LY75: variants seen among roughly 807,000 people sequenced by gnomAD.
The protein encoded by LY75 is lymphocyte antigen 75.
A neutral mutation model predicts 231.7 loss-of-function variants in LY75; 185 were observed. The observed-to-expected ratio is 0.80, with a 90% confidence interval of 0.71 to 0.90. LY75 has a LOEUF of 0.90. Among genes scored for constraint, LY75 ranks in the 40% least tolerant of loss-of-function variants. LY75 has a pLI of 0.00. For missense variants in LY75, 1,947 were observed against 2,050.2 expected, an observed-to-expected ratio of 0.95 and a Z score of 0.97; for synonymous variants, 668 against 689.0, an observed-to-expected ratio of 0.97 and a Z score of 0.48.
intron 31 of LY75, chr2:159,812,164 G>C (rs1478883857): frequency 6.6e-6 from 1 of 151,750 alleles, no homozygotes; most frequent in African/African-American, 2.4e-5. Context: ...TCTTGCACTG[G>C]CAACATAAGG....
intron 25 of LY75, among the ~76,000 whole-genome samples, chr2:159,836,060 A>G (rs1219990665): frequency 6.6e-6 from 1 of 152,174 alleles, no homozygotes; most frequent in Non-Finnish European, 1.5e-5. Context: ...GAGGATCACT[A>G]TAAGTACTGA....
chr2:159,882,561 G>C (rs1327948818), intron 6 of LY75, among the ~76,000 whole-genome samples: 3 of 152,174 alleles, frequency 2.0e-5, no homozygotes, highest in African/African-American at 7.2e-5. Context: ...CTATATGGCT[G>C]AGCACAGACT....
At chr2:159,880,886 G>T (rs567693916) in intron 8 of LY75, among the ~76,000 whole-genome samples, 197 bp downstream of exon 8, 1 of 152,270 alleles carries the variant, frequency 6.6e-6, no homozygotes, top group South Asian at 2.1e-4. Flanking sequence ...AGGCAGTAAT[G>T]CTTGCTTACC....
chr2:159,865,629 T>C (rs1328466748), intron 13 of LY75, among the ~76,000 whole-genome samples: 2 of 152,156 alleles, frequency 1.3e-5, no homozygotes, highest in East Asian at 1.9e-4. Context: ...ATGAGTTATA[T>C]ACATTTTAGG....
intron 23 of LY75, among the ~76,000 whole-genome samples, chr2:159,849,377 T>C (rs571754028): frequency 6.6e-6 from 1 of 152,180 alleles, no homozygotes; most frequent in Non-Finnish European, 1.5e-5. Context: ...CCCTCTTCCC[T>C]TCTCTGACTT....
chr2:159,830,588 CTT>C (rs35004394), intron 28 of LY75, among the ~76,000 whole-genome samples: 17 of 129,024 alleles, frequency 1.3e-4, no homozygotes, highest in African/African-American at 3.8e-4. Flanking sequence ...TTTTTCTATT[CTT>C]TTTTTTTTTT....
intron 9 of LY75, 94 bp downstream of exon 9, chr2:159,879,165 T>C: frequency 1.4e-6 from 2 of 1,387,470 alleles, no homozygotes; most frequent in Non-Finnish European, 1.9e-6. Context: ...GTTTCCTCTA[T>C]TTTATAAGTC....
intron 16 of LY75, among the ~76,000 whole-genome samples, chr2:159,857,096 T>G (rs1179366520): frequency 1.3e-5 from 2 of 152,232 alleles, no homozygotes; most frequent in Non-Finnish European, 2.9e-5. Flanking sequence ...AAACTGGTTT[T>G]CCTTTGTCCC....
chr2:159,808,191 C>A lies in LY75; in HGVS notation c.4822+258G>T, dbSNP rs182866652. The A allele has an allele frequency of 5.1e-3, 4,585 of 893,902 alleles. 17 individuals carry two copies. The highest frequency in any genetic ancestry group is 7.7e-3 in the Admixed American group (124 of 16,160). The allele number at this position is 893,902 out of a possible 1,614,324, so 55.4% of individuals were successfully genotyped here. ...AATGTCCTGATGTTGATCCAAGGAT[C>A]CCAGAAATAAGCCTCTAGAAAGATT... On this transcript the variant is annotated intron_variant, in intron 33 of 34. Transcript: ENST00000263636.
Position 159,809,402 on chromosome 2 carries a change from T to C in LY75, c.4700-831A>G, listed in dbSNP as rs116149821. ...TATGGTGGTCAGAGGATGTGGCCAA[T>C]CCTATTGCAGAACGGATGGACAACC... On this transcript the variant is annotated intron_variant, in intron 32 of 34. Coordinates refer to ENST00000263636, the MANE Select transcript of LY75 (RefSeq NM_002349.4). Among the ~76,000 whole-genome samples the C allele has an allele frequency of 5.3e-3, 811 of 152,280 alleles. 3 individuals carry two copies. The highest frequency in any genetic ancestry group is 0.018 in the African/African-American group (766 of 41,554).
At chr2:159,871,928 G>C (rs1228633020) in intron 13 of LY75, 1 of 152,588 alleles carries the variant, frequency 6.6e-6, no homozygotes, top group Non-Finnish European at 1.5e-5. Context: ...TGCAAACAAG[G>C]ACATTCCAAT....
chr2:159,816,693 G>A (rs539737431), intron 30 of LY75, 113 bp downstream of exon 30: 31 of 1,429,224 alleles, frequency 2.2e-5, no homozygotes, highest in South Asian at 1.6e-4. Flanking sequence ...CTATGCAAGC[G>A]GAGTCCCAGT....
At chr2:159,815,362 T>G (rs370628297) in intron 31 of LY75, 43 bp downstream of exon 31, 102 of 1,543,398 alleles carry the variant, frequency 6.6e-5, no homozygotes, top group Non-Finnish European at 8.9e-5. Context: ...ATAAATTATG[T>G]CACATTTTCA....
rs72957547 is a variant in LY75 at position 159,875,682 on chromosome 2, G to T, written c.1775-39C>A. On this transcript the variant is annotated intron_variant, in intron 11 of 34. Coordinates refer to ENST00000263636, the MANE Select transcript of LY75 (RefSeq NM_002349.4). ...GGAAAGCTCAATTAAAAATTAAAAC[G>T]TTAAAGTTCAAACATTTTCTAGTGT... is the stretch of plus-strand genomic sequence containing the variant. 10,737 of 1,606,214 alleles carry T rather than the reference G, an allele frequency of 6.7e-3. 55 individuals are homozygous for T. The highest frequency in any genetic ancestry group is 7.8e-3 in the Non-Finnish European group (9,205 of 1,177,294).
intron 12 of LY75, among the ~76,000 whole-genome samples, chr2:159,874,914 A>G (rs34587580): frequency 0.87 from 110,276 of 126,782 alleles, 49,654 homozygotes; most frequent in East Asian, 1. Flanking sequence ...TATATATTTT[A>G]TAAATATATT....
intron 28 of LY75, among the ~76,000 whole-genome samples, chr2:159,820,864 C>G (rs12052715): frequency 0.71 from 107,918 of 151,982 alleles, 38,574 homozygotes; most frequent in East Asian, 0.89. Flanking sequence ...CTTTGAGACA[C>G]AGTCTCACTC....
intron 11 of LY75, 28 bp downstream of exon 11, chr2:159,878,296 C>T (rs1574585038): frequency 6.2e-7 from 1 of 1,609,432 alleles, no homozygotes; most frequent in African/African-American, 1.3e-5. Flanking sequence ...TCACAGTATA[C>T]TACTACTTCA....
intron 28 of LY75, among the ~76,000 whole-genome samples, chr2:159,830,829 G>C (rs146355352): frequency 6.6e-6 from 1 of 152,004 alleles, no homozygotes; most frequent in Non-Finnish European, 1.5e-5. Flanking sequence ...TGATCCACCC[G>C]CCTTGGCCTC....
intron 27 of LY75, among the ~76,000 whole-genome samples, chr2:159,833,551 T>C (rs896071172): frequency 2.6e-5 from 4 of 152,242 alleles, no homozygotes; most frequent in African/African-American, 7.2e-5. Context: ...TTGTCACTGA[T>C]AATGTAGATA....
Sources: gnomAD v4.1 joint callset for allele counts (sites outside exome capture counted in the v4.1 genomes callset) on GRCh38, gnomAD v4.1.1 for gene constraint, MANE v1.5 for transcripts, NCBI Gene and HGNC (gene_info 2026-07-23, HGNC 2026-07-21) for gene names.